The following KCNN2 variants were observed in gnomAD, a reference collection of about 807,000 sequenced individuals.
KCNN2 encodes small conductance calcium-activated potassium channel protein 2.
In KCNN2, 24 loss-of-function variants were observed where a neutral mutation model predicts 55.5. That is an observed-to-expected ratio of 0.43 (90% CI 0.31 to 0.61). The LOEUF (loss-of-function observed/expected upper bound fraction) is 0.61. Ranked by LOEUF, KCNN2 falls within the 20% of genes least tolerant of loss-of-function variation. KCNN2 has a pLI of 0.08. For synonymous variants in KCNN2, 431 were observed against 336.1 expected (o/e 1.28, Z -3.09); for missense variants, 754 against 853.6 (o/e 0.88, Z 1.45).
intron 1 of KCNN2, among the ~76,000 whole-genome samples, chr5:114,126,173 G>T (rs1324164342): frequency 1.3e-5 from 2 of 152,042 alleles, no homozygotes; most frequent in African/African-American, 2.4e-5. Context: ...AGTGATACTG[G>T]ATTAGGTCCC....
At chr5:114,494,904 G>C (rs959164049) in intron 7 of KCNN2, among the ~76,000 whole-genome samples, 1 of 152,210 alleles carries the variant, frequency 6.6e-6, no homozygotes, top group Non-Finnish European at 1.5e-5. Context: ...TTAAGCAGAA[G>C]AAGAGCATAT....
chr5:114,388,396 A>G (rs1037376506), intron 2 of KCNN2, among the ~76,000 whole-genome samples: 2 of 152,160 alleles, frequency 1.3e-5, no homozygotes, highest in Admixed American at 1.3e-4. Context: ...AAGGTTGATC[A>G]GAATTTCTGT....
intron 2 of KCNN2, among the ~76,000 whole-genome samples, chr5:114,274,627 C>T (rs1199403403): frequency 6.6e-6 from 1 of 152,096 alleles, no homozygotes; most frequent in East Asian, 1.9e-4. Context: ...CCTGATTTGG[C>T]TCTCTGTTTG....
intron 1 of KCNN2, among the ~76,000 whole-genome samples, chr5:114,147,115 T>C (rs1752414134): frequency 6.6e-6 from 1 of 152,180 alleles, no homozygotes; most frequent in Non-Finnish European, 1.5e-5. Flanking sequence ...GAAATGACTT[T>C]ATCTTTTGGT....
At chr5:114,394,394 A>G (rs1758554295) in intron 2 of KCNN2, among the ~76,000 whole-genome samples, 1 of 152,028 alleles carries the variant, frequency 6.6e-6, no homozygotes, top group African/African-American at 2.4e-5. Flanking sequence ...GTCCTTTGTG[A>G]TAGGTGTTGT....
intron 2 of KCNN2, among the ~76,000 whole-genome samples, chr5:114,232,513 C>T (rs552349663): frequency 5.3e-5 from 8 of 151,012 alleles, no homozygotes; most frequent in African/African-American, 1.7e-4. Flanking sequence ...TCTTTACAAG[C>T]GGGTCTTTTT....
chr5:114,233,695 T>C (rs561032778), intron 2 of KCNN2, among the ~76,000 whole-genome samples: 2 of 152,324 alleles, frequency 1.3e-5, no homozygotes, highest in African/African-American at 4.8e-5. Flanking sequence ...ATTTTACCAA[T>C]GGGCATATTT....
At chr5:114,162,471 T>G (rs1032053852) in intron 1 of KCNN2, among the ~76,000 whole-genome samples, 13 of 152,198 alleles carry the variant, frequency 8.5e-5, no homozygotes. Flanking sequence ...GAGGAGGCAG[T>G]CTGCCCTTTC....
intron 5 of KCNN2, among the ~76,000 whole-genome samples, chr5:114,481,578 A>G (rs1165614278): frequency 6.6e-6 from 1 of 152,168 alleles, no homozygotes. Context: ...AAAGAGTTGG[A>G]GTTGCCAAGA....
At chr5:114,261,248 G>A (rs1460235431) in intron 2 of KCNN2, among the ~76,000 whole-genome samples, 1 of 152,152 alleles carries the variant, frequency 6.6e-6, no homozygotes, top group African/African-American at 2.4e-5. Context: ...CATTCAGCTG[G>A]TTAGAAAGAT....
chr5:114,216,651 A>G (rs1580628142), intron 1 of KCNN2, among the ~76,000 whole-genome samples: 3 of 152,250 alleles, frequency 2.0e-5, no homozygotes, highest in Admixed American at 2.0e-4. Context: ...GGTAGAGAAT[A>G]TATACGAAAA....
chr5:114,287,537 G>A (rs1181324282), intron 2 of KCNN2, among the ~76,000 whole-genome samples: 4 of 151,254 alleles, frequency 2.6e-5, no homozygotes, highest in Non-Finnish European at 5.9e-5. Context: ...TGGTAAGTGG[G>A]AGTTGAACAA....
At chr5:114,121,394 A>G (rs1233936314) in intron 1 of KCNN2, among the ~76,000 whole-genome samples, 1 of 152,104 alleles carries the variant, frequency 6.6e-6, no homozygotes, top group Non-Finnish European at 1.5e-5. Flanking sequence ...TAACTCTCAC[A>G]TATGTACACA....
At chr5:114,486,809 A>G in intron 5 of KCNN2, 2 of 1,340,630 alleles carry the variant, frequency 1.5e-6, no homozygotes, top group Non-Finnish European at 2.0e-6. Flanking sequence ...AAGGAGTAAG[A>G]TAGAATTTAC....
At chr5:114,341,366 G>A (rs40178) in intron 2 of KCNN2, among the ~76,000 whole-genome samples, 56,088 of 151,932 alleles carry the variant, frequency 0.37, 11,851 homozygotes, top group East Asian at 0.84. Flanking sequence ...TCTGTAAAAA[G>A]GATAGCATAG....
intron 3 of KCNN2, among the ~76,000 whole-genome samples, chr5:114,461,894 A>T (rs1392034531): frequency 2.0e-5 from 3 of 152,186 alleles, no homozygotes; most frequent in Non-Finnish European, 2.9e-5. Context: ...GCGAAGCAGG[A>T]GATGATGAGT....
chr5:114,197,773 T>G (rs1191656182), intron 1 of KCNN2, among the ~76,000 whole-genome samples: 1 of 151,986 alleles, frequency 6.6e-6, no homozygotes, highest in Admixed American at 6.6e-5. Context: ...AAAAAGGAGC[T>G]CCTACCTTCT....
intron 2 of KCNN2, among the ~76,000 whole-genome samples, chr5:114,266,992 CTTTTTTT>C (rs58929255): frequency 1.1e-4 from 12 of 110,272 alleles, no homozygotes; most frequent in Admixed American, 9.7e-5. Context: ...CCCTTCCCTC[CTTTTTTT>C]TTTTTTTTTT....
chr5:114,137,394 G>T (rs547798693), intron 1 of KCNN2, among the ~76,000 whole-genome samples: 1 of 152,042 alleles, frequency 6.6e-6, no homozygotes, highest in Admixed American at 6.6e-5. Context: ...CCTTCCCTGC[G>T]TATATACTTA....
Sources: allele counts gnomAD v4.1 joint callset (sites outside exome capture counted in the v4.1 genomes callset), GRCh38; gene constraint gnomAD v4.1.1; transcripts MANE v1.5; gene names NCBI Gene and HGNC (gene_info 2026-07-23, HGNC 2026-07-21).